RASAL2: variants seen among roughly 807,000 people sequenced by gnomAD.
RASAL2 encodes ras GTPase-activating protein nGAP.
A neutral mutation model predicts 128.9 loss-of-function variants in RASAL2; 58 were observed. The observed-to-expected ratio is 0.45, with a 90% CI of 0.36 to 0.56. RASAL2 has a LOEUF of 0.56. Among genes scored for constraint, RASAL2 ranks in the 20% least tolerant of loss-of-function variants. The pLI, the probability that RASAL2 is intolerant of heterozygous loss-of-function variation, is 0.00. For synonymous variants in RASAL2, 561 were observed against 580.8 expected, an observed-to-expected ratio of 0.97 and a Z score of 0.49; for missense variants, 1,360 against 1,601.6, an observed-to-expected ratio of 0.85 and a Z score of 2.57.
At chr1:178,386,142 A>G (rs185017684) in intron 3 of RASAL2, among the ~76,000 whole-genome samples, 204 of 152,282 alleles carry the variant, frequency 1.3e-3, no homozygotes, top group African/African-American at 4.7e-3. Flanking sequence ...AACATCCTCC[A>G]CCAAAAGTAT....
chr1:178,465,726 A>G (rs1647603311), intron 15 of RASAL2, among the ~76,000 whole-genome samples, 194 bp from the exon 16 acceptor site: 1 of 152,176 alleles, frequency 6.6e-6, no homozygotes, highest in African/African-American at 2.4e-5. Flanking sequence ...GTTGATAATT[A>G]TAAAGAATAT....
intron 1 of RASAL2, among the ~76,000 whole-genome samples, chr1:178,220,081 C>T (rs1172481212): frequency 2.0e-5 from 3 of 152,136 alleles, no homozygotes; most frequent in African/African-American, 7.2e-5. Flanking sequence ...TATGCCTGCT[C>T]CCCCTTTGCC....
At position 178,451,547 on chromosome 1, in the gene RASAL2, C is replaced by T. The variant is rs546828057; in HGVS notation, c.1628-24C>T. On this transcript the variant is annotated intron_variant, in intron 9 of 17. Transcript: ENST00000367649. Reference sequence around the variant, plus strand: ...CAGGAAGACACTGTTTATAGCTATACCGTTATCTTCTCTCTTCAAATAGGG... The same window carrying T: ...CAGGAAGACACTGTTTATAGCTATATCGTTATCTTCTCTCTTCAAATAGGG... The T allele has an allele frequency of 1.9e-6, 3 of 1,609,516 alleles. No individual in the cohort carries two copies. The South Asian group carries it at 3.3e-5, about 18-fold the overall frequency.
At chr1:178,441,103 T>C (rs1193555913) in intron 6 of RASAL2, among the ~76,000 whole-genome samples, 1 of 133,168 alleles carries the variant, frequency 7.5e-6, no homozygotes, top group Non-Finnish European at 1.7e-5. Context: ...GAAATGGATG[T>C]GGATGCTACC....
rs58901015 is a variant in RASAL2 at position 178,285,103 on chromosome 1, C to CTT, written c.330+1439_330+1440dup. On this transcript the variant is annotated intron_variant, in intron 2 of 17. Transcript: ENST00000367649. ...GTATTTTAATAGGCATTGCTACTTT[C>CTT]TTTTTTTTTTTTTTTTTTTTTTTTT... Among the ~76,000 whole-genome samples, 333 of 81,944 alleles carry CTT rather than the reference C, an allele frequency of 4.1e-3. 51 individuals carry two copies. The highest frequency in any genetic ancestry group is 0.013 in the African/African-American group (222 of 16,456). The allele number at this position is 81,944 out of a possible 152,430, so 53.8% of individuals were successfully genotyped here.
chr1:178,243,462 C>G (rs984730089), intron 1 of RASAL2, among the ~76,000 whole-genome samples: 14 of 152,104 alleles, frequency 9.2e-5, no homozygotes, highest in Admixed American at 2.0e-4. Context: ...CTGTTATCCA[C>G]CTGGCTACCT....
rs999542203 is a variant in RASAL2, at chr1:178,291,903, C to T, written c.331-8089C>T. Among the ~76,000 whole-genome samples, 4 of 151,810 alleles carry T rather than the reference C, an allele frequency of 2.6e-5. No individual in the cohort carries two copies. The South Asian group carries it at 8.3e-4, about 32-fold the overall frequency. Reference sequence around the variant, plus strand: ...TACAAAAATTAGCTGGACATGGTGTCGGGTGCCTGTAACCCCAGCTACTCG... The same window carrying T: ...TACAAAAATTAGCTGGACATGGTGTTGGGTGCCTGTAACCCCAGCTACTCG... On this transcript the variant is annotated intron_variant, in intron 2 of 17. Coordinates refer to ENST00000367649, the MANE Select transcript of RASAL2 (RefSeq NM_170692.4).
At position 178,360,536 on chromosome 1, in the gene RASAL2, G is replaced by A. The variant is rs1414793400; in HGVS notation, c.458-29564G>A. On this transcript the variant is annotated intron_variant, in intron 3 of 17. Transcript: ENST00000367649. ...GATATAGACCTGGTTCTCTTTTTTGGTGTCTACTTAGCTCATAGTAATCAA... is the reference window on the plus strand; with the variant it reads ...GATATAGACCTGGTTCTCTTTTTTGATGTCTACTTAGCTCATAGTAATCAA... Among the ~76,000 whole-genome samples, 3 of 152,098 alleles carry A rather than the reference G, an allele frequency of 2.0e-5. No homozygotes were observed. The South Asian group carries it at 6.2e-4, about 32-fold the overall frequency.
intron 1 of RASAL2, among the ~76,000 whole-genome samples, chr1:178,256,446 T>C (rs1665348118): frequency 6.6e-6 from 1 of 152,172 alleles, no homozygotes; most frequent in Admixed American, 6.5e-5. Flanking sequence ...GATAAGGATG[T>C]TTGCTCTCAC....
intron 1 of RASAL2, among the ~76,000 whole-genome samples, chr1:178,185,865 C>G (rs189717307): frequency 2.8e-4 from 43 of 151,924 alleles, no homozygotes; most frequent in Non-Finnish European, 3.4e-4. Flanking sequence ...TAATGTCTCT[C>G]TCTGGTTTTG....
chr1:178,253,554 C>T (rs1169210228), intron 1 of RASAL2, among the ~76,000 whole-genome samples: 1 of 152,130 alleles, frequency 6.6e-6, no homozygotes, highest in East Asian at 1.9e-4. Context: ...GTTTATTTCA[C>T]CTGGGTGCAG....
chr1:178,281,239 T>C (rs1666768949), intron 1 of RASAL2, among the ~76,000 whole-genome samples: 1 of 150,972 alleles, frequency 6.6e-6, no homozygotes, highest in Non-Finnish European at 1.5e-5. Flanking sequence ...ACAGACATAA[T>C]TTTTTTTTAA....
In RASAL2 at chr1:178,409,393, C is replaced by T. The variant is rs140531273; in HGVS notation, c.565-11118C>T. Reference sequence around the variant, plus strand: ...CTCTATAAAGCACAGTGGAGGGGCACGTAATCTAGGGCAGGGTCAGGTCAT... The same window carrying T: ...CTCTATAAAGCACAGTGGAGGGGCATGTAATCTAGGGCAGGGTCAGGTCAT... On this transcript the variant is annotated intron_variant, in intron 4 of 17. Coordinates refer to ENST00000367649, the MANE Select transcript of RASAL2 (RefSeq NM_170692.4). 2.6e-3 allele frequency among the ~76,000 whole-genome samples: 396 copies of T among 152,100 alleles called. 3 individuals carry two copies. The highest frequency in any genetic ancestry group is 3.1e-3 in the African/African-American group (130 of 41,472).
At chr1:178,391,694 ATTTAAC>A (rs1416295679) in intron 4 of RASAL2, among the ~76,000 whole-genome samples, 1 of 152,250 alleles carries the variant, frequency 6.6e-6, no homozygotes, top group Non-Finnish European at 1.5e-5. Flanking sequence ...ACTTTGAGAT[ATTTAAC>A]TTAGAGTTGT....
chr1:178,115,577 G>T (rs2102259124), intron 1 of RASAL2, among the ~76,000 whole-genome samples: 1 of 152,350 alleles, frequency 6.6e-6, no homozygotes, highest in Non-Finnish European at 1.5e-5. Context: ...TGGCAGCTTT[G>T]AGGAACTCTG....
intron 1 of RASAL2, among the ~76,000 whole-genome samples, chr1:178,205,373 T>C (rs1571627507): frequency 6.6e-6 from 1 of 152,106 alleles, no homozygotes; most frequent in African/African-American, 2.4e-5. Flanking sequence ...TTAGAGAAAT[T>C]TTTATAAAGT....
At chr1:178,211,645 T>G (rs935556196) in intron 1 of RASAL2, among the ~76,000 whole-genome samples, 2 of 152,160 alleles carry the variant, frequency 1.3e-5, no homozygotes, top group Admixed American at 1.3e-4. Context: ...ATGCTTTTCT[T>G]ATACCCTCAA....
intron 2 of RASAL2, among the ~76,000 whole-genome samples, chr1:178,286,805 C>T (rs954960539): frequency 3.3e-5 from 5 of 151,548 alleles, no homozygotes; most frequent in Non-Finnish European, 7.4e-5. Flanking sequence ...TAATTTTTTA[C>T]GATTCTGATA....
At chr1:178,158,870 C>G (rs1002936665) in intron 1 of RASAL2, among the ~76,000 whole-genome samples, 1 of 152,024 alleles carries the variant, frequency 6.6e-6, no homozygotes, top group Non-Finnish European at 1.5e-5. Flanking sequence ...ATCAATCACT[C>G]TGATATTTCT....
Sources: allele counts gnomAD v4.1 joint callset (sites outside exome capture counted in the v4.1 genomes callset), GRCh38; gene constraint gnomAD v4.1.1; transcripts MANE v1.5; gene names NCBI Gene and HGNC (gene_info 2026-07-23, HGNC 2026-07-21).